Variants in COL13A1 observed in about 807,000 individuals in gnomAD.
COL13A1 encodes collagen alpha-1(XIII) chain.
A neutral mutation model predicts 130.9 loss-of-function variants in COL13A1; 89 were observed. That is an observed-to-expected ratio of 0.68 (90% CI 0.57 to 0.81). COL13A1 has a LOEUF of 0.81. COL13A1 is among the 30% of genes least tolerant of loss of function. COL13A1 has a pLI of 0.00. For synonymous variants in COL13A1, 402 were observed against 341.6 expected, an observed-to-expected ratio of 1.18 and a Z score of -1.95; for missense variants, 879 against 934.6, an observed-to-expected ratio of 0.94 and a Z score of 0.78.
At chr10:69,865,096 C>T (rs1859456774) in intron 2 of COL13A1, among the ~76,000 whole-genome samples, 1 of 152,130 alleles carries the variant, frequency 6.6e-6, no homozygotes, top group Non-Finnish European at 1.5e-5. Context: ...TTAGGAAGAC[C>T]CCAGGATGGG....
At chr10:69,934,683 A>G (rs1293431678) in intron 31 of COL13A1, among the ~76,000 whole-genome samples, 2 of 152,242 alleles carry the variant, frequency 1.3e-5, no homozygotes, top group East Asian at 3.8e-4. Context: ...GGCAGCCCTG[A>G]GCTCCTCCAT....
intron 2 of COL13A1, among the ~76,000 whole-genome samples, chr10:69,834,646 G>T (rs572248683): frequency 2.6e-5 from 4 of 152,332 alleles, no homozygotes; most frequent in Non-Finnish European, 5.9e-5. Context: ...TTTGCCTGAG[G>T]TCCACGGATA....
chr10:69,901,132 TGGTTCA>T (rs1564997930), intron 14 of COL13A1, among the ~76,000 whole-genome samples: 1 of 152,208 alleles, frequency 6.6e-6, no homozygotes, highest in Non-Finnish European at 1.5e-5. Context: ...AAGCCTTTCT[TGGTTCA>T]GAAGAAACAC....
intron 7 of COL13A1, among the ~76,000 whole-genome samples, chr10:69,881,132 G>T (rs907189225): frequency 2.6e-5 from 4 of 152,340 alleles, no homozygotes; most frequent in African/African-American, 4.8e-5. Flanking sequence ...AGGGGTGTGG[G>T]TGATGAAGCC....
In COL13A1 at chr10:69,922,239, TA is replaced by T. The variant is rs141298556; in HGVS notation, c.1143+315del. On this transcript the variant is annotated intron_variant, in intron 22 of 40. Transcript: ENST00000645393. ...TCTGTAAGATATTTAATTTAAAAATTAAAAAAAAAAAGATGAGGCCAAAATA... is the reference window on the plus strand; with the variant it reads ...TCTGTAAGATATTTAATTTAAAAATTAAAAAAAAAAGATGAGGCCAAAATA... Among the ~76,000 whole-genome samples the T allele has an allele frequency of 0.076, 11,000 of 145,576 alleles. 510 individuals carry two copies. Among genetic ancestry groups the T allele is most frequent in the East Asian group, 0.19 (963 of 5,026 alleles).
intron 2 of COL13A1, among the ~76,000 whole-genome samples, chr10:69,858,115 CAAA>C (rs573668102): frequency 8.7e-5 from 7 of 80,384 alleles, no homozygotes; most frequent in African/African-American, 2.5e-4. Context: ...GACTCCGTCT[CAAA>C]AAAAAAAAAA....
intron 10 of COL13A1, among the ~76,000 whole-genome samples, chr10:69,891,532 T>G (rs1445651405): frequency 6.6e-6 from 1 of 152,140 alleles, no homozygotes; most frequent in Non-Finnish European, 1.5e-5. Context: ...AGGTTTCCTC[T>G]CCATCACAGC....
Position 69,895,587 on chromosome 10 carries a change from C to G in COL13A1, c.684+11C>G, listed in dbSNP as rs1564979354. ...GAGTACCCACACCGGGTAAGTGAAC[C>G]CCTAAAATTTAGCAGGGCACTTTGA... On this transcript the variant is annotated intron_variant, in intron 13 of 40. Transcript: ENST00000645393. The G allele has an allele frequency of 6.2e-7, 1 of 1,613,846 alleles. No homozygotes were observed. Among genetic ancestry groups the G allele is most frequent in the East Asian group, 2.2e-5 (1 of 44,862 alleles).
chr10:69,846,377 G>A (rs1375550289), intron 2 of COL13A1, among the ~76,000 whole-genome samples: 1 of 151,800 alleles, frequency 6.6e-6, no homozygotes, highest in Non-Finnish European at 1.5e-5. Context: ...CCGAGCTGGG[G>A]TTGGGGTTGG....
intron 33 of COL13A1, among the ~76,000 whole-genome samples, chr10:69,937,306 G>A (rs1035576689): frequency 6.6e-6 from 1 of 152,208 alleles, no homozygotes; most frequent in Admixed American, 6.5e-5. Context: ...TCTGGAGGTA[G>A]CATCTCAGGC....
Position 69,950,974 on chromosome 10 carries a change from G to A in COL13A1, c.2059-1908G>A, listed in dbSNP as rs377113179. Among the ~76,000 whole-genome samples the A allele has an allele frequency of 1.4e-3, 209 of 152,160 alleles. 1 individual carries two copies. Among genetic ancestry groups the A allele is most frequent in the African/African-American group, 4.7e-3 (195 of 41,506 alleles). ...AGCGATTCTCCTGCCTCAGCCTCCC[G>A]AGTAGCTAGGATTACAGGCTAGTGC... On this transcript the variant is annotated intron_variant, in intron 38 of 40. Coordinates refer to ENST00000645393, the MANE Select transcript of COL13A1 (RefSeq NM_001368882.1).
chr10:69,944,852 A>G (rs1375485321), intron 36 of COL13A1, among the ~76,000 whole-genome samples: 1 of 152,176 alleles, frequency 6.6e-6, no homozygotes, highest in African/African-American at 2.4e-5. Flanking sequence ...GTAATGATTT[A>G]GGGAAACTGC....
intron 40 of COL13A1, among the ~76,000 whole-genome samples, 181 bp from the exon 41 acceptor site, chr10:69,958,518 C>T (rs538979880): frequency 1.3e-5 from 2 of 152,202 alleles, no homozygotes; most frequent in Non-Finnish European, 2.9e-5. Flanking sequence ...TTGGTTTCCT[C>T]CCTTCAGGGA....
chr10:69,815,887 CA>C (rs11393895), intron 1 of COL13A1, among the ~76,000 whole-genome samples: 205 of 148,810 alleles, frequency 1.4e-3, no homozygotes, highest in African/African-American at 4.6e-3. Context: ...GAAAAATAAG[CA>C]AAAAAAAAAT....
intron 23 of COL13A1, 131 bp downstream of exon 23, chr10:69,922,925 TCCCCATG>T (rs1419321652): frequency 1.7e-6 from 1 of 584,382 alleles, no homozygotes; most frequent in East Asian, 3.3e-5. Flanking sequence ...TGTGTGGTTT[TCCCCATG>T]GATTCCAAAA....
At chr10:69,861,943 T>C (rs994513131) in intron 2 of COL13A1, among the ~76,000 whole-genome samples, 1 of 152,150 alleles carries the variant, frequency 6.6e-6, no homozygotes, top group Admixed American at 6.5e-5. Context: ...ATGTGAGCTG[T>C]GGCGTGCTGG....
At chr10:69,932,661 C>T (rs1795000165) in intron 31 of COL13A1, 57 bp downstream of exon 31, 1 of 1,167,354 alleles carries the variant, frequency 8.6e-7, no homozygotes, top group African/African-American at 1.5e-5. Context: ...GCAGCATGCA[C>T]AGTATTTCTG....
chr10:69,810,868 C>T (rs1842861392), intron 1 of COL13A1, among the ~76,000 whole-genome samples: 1 of 152,238 alleles, frequency 6.6e-6, no homozygotes, highest in Non-Finnish European at 1.5e-5. Flanking sequence ...TGCAGAGATG[C>T]TGTCTGTGGC....
intron 35 of COL13A1, among the ~76,000 whole-genome samples, chr10:69,943,093 C>A (rs2067896590): frequency 6.6e-6 from 1 of 152,196 alleles, no homozygotes; most frequent in African/African-American, 2.4e-5. Flanking sequence ...GGTGATCCAC[C>A]CGCCTCGGCC....
Sources: gnomAD v4.1 joint callset for allele counts (sites outside exome capture counted in the v4.1 genomes callset) on GRCh38, gnomAD v4.1.1 for gene constraint, MANE v1.5 for transcripts, NCBI Gene and HGNC (gene_info 2026-07-23, HGNC 2026-07-21) for gene names.